The following BRD10 variants were observed in gnomAD, a reference collection of about 807,000 sequenced individuals.
The protein encoded by BRD10 is uncharacterized bromodomain-containing protein 10.
chr9:5,889,111 T>C, the BRD10 span, among the ~76,000 whole-genome samples: 1 of 152,184 alleles, frequency 6.6e-6, no homozygotes, highest in East Asian at 1.9e-4. Context: ...ATCTGAGAAG[T>C]ATGCTCAGCA....
chr9:5,921,349 T>C, the BRD10 span: 4 of 1,613,946 alleles, frequency 2.5e-6, no homozygotes, highest in Middle Eastern at 1.7e-4. Context: ...ACGGAATCAG[T>C]ACTATTTGGG....
the BRD10 span, among the ~76,000 whole-genome samples, chr9:5,988,951 C>G: frequency 6.6e-6 from 1 of 151,952 alleles, no homozygotes; most frequent in East Asian, 1.9e-4. Flanking sequence ...TTATAAACAG[C>G]CGGGTGCAGT....
the BRD10 span, among the ~76,000 whole-genome samples, chr9:5,996,325 G>C: frequency 6.6e-6 from 1 of 150,892 alleles, no homozygotes; most frequent in African/African-American, 2.4e-5. Flanking sequence ...TTTTGTTGTT[G>C]TTGTTGTTTT....
the BRD10 span, among the ~76,000 whole-genome samples, chr9:5,993,818 G>A: frequency 6.6e-6 from 1 of 152,172 alleles, no homozygotes. Context: ...AGAGCACAGT[G>A]CACAAGGGTA....
the BRD10 span, among the ~76,000 whole-genome samples, chr9:5,931,022 G>A: frequency 6.6e-6 from 1 of 152,202 alleles, no homozygotes; most frequent in Non-Finnish European, 1.5e-5. Flanking sequence ...CTAAGTTAAA[G>A]AGAGAAGAAA....
the BRD10 span, among the ~76,000 whole-genome samples, chr9:5,886,936 G>A: frequency 6.6e-6 from 1 of 152,330 alleles, no homozygotes; most frequent in Admixed American, 6.5e-5. Flanking sequence ...CTGTGAAAGA[G>A]CTGGTCAGGT....
chr9:6,007,052 C>T, the BRD10 span: 3 of 816,010 alleles, frequency 3.7e-6, no homozygotes, highest in Admixed American at 2.9e-5. Flanking sequence ...CGCCCAGCGC[C>T]GCTCCTCCTC....
the BRD10 span, among the ~76,000 whole-genome samples, chr9:5,886,217 G>C: frequency 2.6e-5 from 4 of 152,202 alleles, no homozygotes; most frequent in Admixed American, 6.5e-5. Context: ...AGCACTGTAA[G>C]CAGATGCCAA....
the BRD10 span, chr9:5,909,826 T>C: frequency 1.3e-5 from 2 of 152,226 alleles, no homozygotes; most frequent in Non-Finnish European, 2.9e-5. Flanking sequence ...GATTCTGGAA[T>C]GGTGTCATTA....
At chr9:5,936,025 CCTG>C in the BRD10 span, among the ~76,000 whole-genome samples, 3 of 152,060 alleles carry the variant, frequency 2.0e-5, no homozygotes, top group African/African-American at 7.2e-5. Flanking sequence ...ACTCCTAAGA[CCTG>C]CTTTTACTTA....
At chr9:5,954,428 T>C in the BRD10 span, among the ~76,000 whole-genome samples, 2 of 152,212 alleles carry the variant, frequency 1.3e-5, no homozygotes, top group Admixed American at 6.5e-5. Context: ...CAACTTAAGA[T>C]GAGACTACAT....
At chr9:5,978,822 T>A in the BRD10 span, among the ~76,000 whole-genome samples, 2 of 152,174 alleles carry the variant, frequency 1.3e-5, no homozygotes, top group Non-Finnish European at 2.9e-5. Context: ...AAATAAACCC[T>A]CTCACTCAAG....
chr9:5,920,431 T>C, the BRD10 span: 7 of 1,613,846 alleles, frequency 4.3e-6, no homozygotes, highest in Non-Finnish European at 5.9e-6. Context: ...CATTGGATGG[T>C]GCCGAAGCCG....
chr9:6,007,157 T>G, the BRD10 span: 22 of 1,583,828 alleles, frequency 1.4e-5, no homozygotes, highest in Non-Finnish European at 1.7e-5. Flanking sequence ...TGTGTTTGTG[T>G]CAGTCTGTCA....
At chr9:5,968,418 G>A in the BRD10 span, 2 of 1,612,688 alleles carry the variant, frequency 1.2e-6, no homozygotes, top group Non-Finnish European at 1.7e-6. Flanking sequence ...CCTGGACTAA[G>A]AGGCTCTCCA....
chr9:5,889,835 T>G, the BRD10 span, among the ~76,000 whole-genome samples: 1 of 152,142 alleles, frequency 6.6e-6, no homozygotes, highest in African/African-American at 2.4e-5. Flanking sequence ...AAATTCATGG[T>G]CCGACACCGC....
chr9:5,922,263 A>AC, the BRD10 span: 1 of 1,613,932 alleles, frequency 6.2e-7, no homozygotes, highest in South Asian at 1.1e-5. Flanking sequence ...GGATTTGTAG[A>AC]CCCATTTAGT....
At chr9:5,968,167 TTTCTTTTTC>T in the BRD10 span, 6 of 1,604,876 alleles carry the variant, frequency 3.7e-6, no homozygotes, top group South Asian at 2.2e-5. Flanking sequence ...ATTTCTTTTT[TTTCTTTTTC>T]TTCTTTTTTG....
the BRD10 span, among the ~76,000 whole-genome samples, chr9:5,964,464 T>G: frequency 1.1e-4 from 17 of 148,538 alleles, no homozygotes; most frequent in Non-Finnish European, 2.1e-4. Context: ...GGTGGGACTG[T>G]AAACTAGTTC....
Sources: gnomAD v4.1 joint callset for allele counts (sites outside exome capture counted in the v4.1 genomes callset) on GRCh38, gnomAD v4.1.1 for gene constraint, MANE v1.5 for transcripts, NCBI Gene and HGNC (gene_info 2026-07-23, HGNC 2026-07-21) for gene names.